The following TTC6 variants were observed in gnomAD, a reference collection of about 807,000 sequenced individuals.
TTC6 encodes the protein tetratricopeptide repeat protein 6.
Under a neutral mutation model 210.4 loss-of-function variants are expected in TTC6, and 172 were observed. The observed-to-expected ratio is 0.82, with a 90% CI of 0.72 to 0.93. The LOEUF is 0.93. Ranked by LOEUF, TTC6 falls within the 40% of genes least tolerant of loss-of-function variation. TTC6 has a pLI of 0.00. For synonymous variants in TTC6, 804 were observed against 819.6 expected (o/e 0.98, Z 0.32); for missense variants, 2,414 against 2,318.1 (o/e 1.04, Z -0.85).
intron 4 of TTC6, among the ~76,000 whole-genome samples, chr14:37,700,504 A>G (rs1190330138): frequency 4.6e-5 from 7 of 152,070 alleles, no homozygotes; most frequent in Non-Finnish European, 1.0e-4. Flanking sequence ...GCACTTTGGG[A>G]GGCCAAGGCA....
At chr14:37,735,836 ATGT>A in intron 7 of TTC6, 82 bp from the exon 10 acceptor site, 1 of 733,008 alleles carries the variant, frequency 1.4e-6, no homozygotes, top group South Asian at 2.1e-5. Flanking sequence ...TTTGTTAATA[ATGT>A]TGTACTATGA....
intron 8 of TTC6, among the ~76,000 whole-genome samples, chr14:37,737,313 C>T (rs2095904375): frequency 6.6e-6 from 1 of 152,122 alleles, no homozygotes; most frequent in Non-Finnish European, 1.5e-5. Flanking sequence ...ATTCATGGCT[C>T]AGCATATCTG....
At position 37,768,946 on chromosome 14, in the gene TTC6, G is replaced by A. The variant is rs533848283; in HGVS notation, c.3266+15711G>A. On this transcript the variant is annotated intron_variant, in intron 14 of 30. Coordinates refer to ENST00000553443, the Ensembl canonical transcript of TTC6. ...TGATATTGGCTGTGGGTTTGTCATA[G>A]ATAGCTCTTATTATTTTGAAATACG... Among the ~76,000 whole-genome samples, 15 of 151,600 alleles carry A rather than the reference G, an allele frequency of 9.9e-5. 1 individual carries two copies. The South Asian group carries it at 2.3e-3, about 23-fold the overall frequency.
At chr14:37,839,099 A>G (rs536779275) in intron 29 of TTC6, among the ~76,000 whole-genome samples, 27 of 152,316 alleles carry the variant, frequency 1.8e-4, no homozygotes, top group South Asian at 6.2e-4. Flanking sequence ...CAGTGCTGCA[A>G]TAAACATACG....
chr14:37,625,503 G>A (rs913914730), intron 1 of TTC6, among the ~76,000 whole-genome samples: 3 of 149,994 alleles, frequency 2.0e-5, no homozygotes, highest in African/African-American at 4.9e-5. Context: ...AGCCTAGATC[G>A]CACCATTGGA....
intron 4 of TTC6, among the ~76,000 whole-genome samples, chr14:37,699,510 G>A (rs2095820859): frequency 6.6e-6 from 1 of 152,216 alleles, no homozygotes; most frequent in Non-Finnish European, 1.5e-5. Context: ...GAGAAAGGAA[G>A]TTAGCCAAAT....
At chr14:37,668,986 C>T (rs2095753440) in intron 1 of TTC6, among the ~76,000 whole-genome samples, 1 of 152,156 alleles carries the variant, frequency 6.6e-6, no homozygotes, top group African/African-American at 2.4e-5. Flanking sequence ...CTTTCCATAC[C>T]ACCTACATGA....
intron 29 of TTC6, among the ~76,000 whole-genome samples, chr14:37,841,075 G>A (rs2096209026): frequency 1.3e-5 from 2 of 152,126 alleles, no homozygotes; most frequent in African/African-American, 4.8e-5. Context: ...CCCCATGTTG[G>A]CTAGGCTGGT....
At chr14:37,621,160 C>G (rs977940758), upstream of TTC6, among the ~76,000 whole-genome samples, 33 of 152,156 alleles carry the variant, frequency 2.2e-4, 1 homozygote, top group African/African-American at 8.0e-4. Flanking sequence ...CTGGGACCAG[C>G]TGGAGAGAGA....
intron 1 of TTC6, among the ~76,000 whole-genome samples, chr14:37,644,381 A>G (rs981097639): frequency 1.3e-5 from 2 of 152,330 alleles, no homozygotes; most frequent in African/African-American, 2.4e-5. Flanking sequence ...AAGGTCCAAC[A>G]TAGCTGCATC....
intron 15 of TTC6, among the ~76,000 whole-genome samples, chr14:37,789,596 T>TATATATA (rs71433930): frequency 7.4e-6 from 1 of 134,498 alleles, no homozygotes; most frequent in Non-Finnish European, 1.6e-5. Context: ...TGGTTTCCTC[T>TATATATA]TATATATATA....
At chr14:37,824,121 G>C (rs1235290526) in intron 27 of TTC6, among the ~76,000 whole-genome samples, 164 bp downstream of exon 29, 2 of 152,096 alleles carry the variant, frequency 1.3e-5, no homozygotes, top group East Asian at 3.9e-4. Context: ...GGTTTAGTTA[G>C]TTATAGAGAG....
chr14:37,693,226 AT>A, intron 3 of TTC6, among the ~76,000 whole-genome samples: 2 of 152,336 alleles, frequency 1.3e-5, no homozygotes, highest in South Asian at 4.1e-4. Context: ...ACATGCAAAA[AT>A]CAGTAGCATT....
intron 6 of TTC6, among the ~76,000 whole-genome samples, chr14:37,717,298 A>T (rs556352912): frequency 2.6e-5 from 4 of 152,200 alleles, no homozygotes; most frequent in African/African-American, 7.2e-5. Context: ...GATCATTGAA[A>T]TTAATCTCTG....
intron 4 of TTC6, among the ~76,000 whole-genome samples, chr14:37,700,337 G>C (rs1013646494): frequency 1.3e-5 from 2 of 152,138 alleles, no homozygotes; most frequent in East Asian, 1.9e-4. Context: ...ATACAGCTTC[G>C]TTGTGGGAAT....
At chr14:37,828,750 A>AGT (rs1210162018) in intron 29 of TTC6, among the ~76,000 whole-genome samples, 1,591 of 152,138 alleles carry the variant, frequency 0.01, 34 homozygotes, top group African/African-American at 0.036. Context: ...GGTCATTCCT[A>AGT]AGAAAGGGTA....
chr14:37,681,658 C>G (rs2095783894), intron 2 of TTC6, among the ~76,000 whole-genome samples: 1 of 152,056 alleles, frequency 6.6e-6, no homozygotes, highest in Non-Finnish European at 1.5e-5. Flanking sequence ...CATCAGACTG[C>G]AGCTTCTTTG....
intron 4 of TTC6, among the ~76,000 whole-genome samples, chr14:37,699,741 T>C (rs1412358675): frequency 1.3e-5 from 2 of 152,102 alleles, no homozygotes; most frequent in Non-Finnish European, 2.9e-5. Flanking sequence ...CAGTTTTGCA[T>C]TGGATGTGCA....
At chr14:37,787,024 G>A (rs141343288) in intron 14 of TTC6, among the ~76,000 whole-genome samples, 3,102 of 152,198 alleles carry the variant, frequency 0.02, 69 homozygotes, top group Non-Finnish European at 0.03. Context: ...GTATTTGGAT[G>A]TATCTTCAAG....
Sources: gnomAD v4.1 joint callset for allele counts (sites outside exome capture counted in the v4.1 genomes callset) on GRCh38, gnomAD v4.1.1 for gene constraint, MANE v1.5 for transcripts, NCBI Gene and HGNC (gene_info 2026-07-23, HGNC 2026-07-21) for gene names.